The following NAV3 variants were observed in gnomAD, a reference collection of about 807,000 sequenced individuals.
The protein encoded by NAV3 is neuron navigator 3.
A neutral mutation model predicts 244.7 loss-of-function variants in NAV3; 87 were observed. The ratio of observed to expected loss-of-function variants is 0.36; its 90% CI spans 0.30 to 0.42. The LOEUF is 0.42. Among genes scored for constraint, NAV3 ranks in the 20% least tolerant of loss-of-function variants. The pLI, the probability that NAV3 is intolerant of heterozygous loss-of-function variation, is 1.00. For synonymous variants in NAV3, 1,126 were observed against 1,042.2 expected, an observed-to-expected ratio of 1.08 and a Z score of -1.55; for missense variants, 2,663 against 2,893.3, an observed-to-expected ratio of 0.92 and a Z score of 1.83.
chr12:77,601,510 G>A (rs889240484), intron 2 of NAV3, among the ~76,000 whole-genome samples: 2 of 151,928 alleles, frequency 1.3e-5, no homozygotes, highest in African/African-American at 2.4e-5. Flanking sequence ...GTGAGCAAAG[G>A]CATCATATCA....
intron 1 of NAV3, among the ~76,000 whole-genome samples, chr12:77,852,911 G>A (rs555525710): frequency 7.9e-5 from 12 of 152,154 alleles, no homozygotes; most frequent in African/African-American, 2.7e-4. Context: ...TATAGCTTGG[G>A]GATTTATGAA....
In NAV3 at chr12:77,671,410, T is replaced by A. The variant is rs185407525; in HGVS notation, c.72+99144T>A. Among the ~76,000 whole-genome samples the A allele has an allele frequency of 2.0e-3, 305 of 151,916 alleles. 2 individuals are homozygous for A. Among genetic ancestry groups the A allele is most frequent in the African/African-American group, 7.0e-3 (292 of 41,454 alleles). Reference sequence around the variant, plus strand: ...CATTCTTTAAGAAACTAGAAAAAAATGATCCTAAAATTCATATGGAACCTA... The same window carrying A: ...CATTCTTTAAGAAACTAGAAAAAAAAGATCCTAAAATTCATATGGAACCTA... On this transcript the variant is annotated intron_variant, in intron 2 of 8. Coordinates refer to the NAV3 transcript ENST00000550042.
intron 2 of NAV3, among the ~76,000 whole-genome samples, chr12:77,601,173 A>G (rs943850838): frequency 6.6e-6 from 1 of 151,972 alleles, no homozygotes; most frequent in South Asian, 2.1e-4. Flanking sequence ...GGATGTAGGG[A>G]TAATTATTAT....
chr12:77,844,087 A>G (rs761812967), intron 1 of NAV3, among the ~76,000 whole-genome samples: 4 of 152,192 alleles, frequency 2.6e-5, no homozygotes, highest in Non-Finnish European at 5.9e-5. Context: ...TTGTGCTGCT[A>G]TGACAAAATA....
At chr12:77,779,815 G>C (rs1040481143) in intron 2 of NAV3, among the ~76,000 whole-genome samples, 12 of 152,224 alleles carry the variant, frequency 7.9e-5, no homozygotes, top group African/African-American at 2.9e-4. Context: ...GGCCTGGGTT[G>C]TCAGTGGTTT....
chr12:77,574,591 G>T (rs1403252801), intron 2 of NAV3, among the ~76,000 whole-genome samples: 1 of 152,028 alleles, frequency 6.6e-6, no homozygotes, highest in Non-Finnish European at 1.5e-5. Flanking sequence ...TTCATTGAGA[G>T]GTGAAGCATT....
Position 78,198,593 on chromosome 12 carries a change from A to T in NAV3, c.6447-12A>T. 6.6e-7 allele frequency: 1 copy of T among 1,525,358 alleles called. No homozygotes were observed. The highest frequency in any genetic ancestry group is 1.4e-5 in the African/African-American group (1 of 71,606). The allele number at this position is 1,525,358 out of a possible 1,614,324, so 94.5% of individuals were successfully genotyped here. On this transcript the variant is annotated splice_polypyrimidine_tract_variant and intron_variant, in intron 35 of 39. Transcript: ENST00000397909. ...TCCAGTAAATTAAAATTTTCTATTT[A>T]TTTTTTTCTAGTCCATATATTATTG... is the stretch of plus-strand genomic sequence containing the variant.
intron 6 of NAV3, 46 bp downstream of exon 6, chr12:77,994,917 T>C: frequency 7.6e-7 from 1 of 1,316,426 alleles, no homozygotes; most frequent in South Asian, 1.3e-5. Context: ...GATATGCAAA[T>C]AAATACCCAG....
intron 2 of NAV3, among the ~76,000 whole-genome samples, chr12:77,814,373 G>A (rs764715707): frequency 1.3e-4 from 20 of 152,186 alleles, no homozygotes; most frequent in Non-Finnish European, 2.4e-4. Context: ...CTTTTCTGCC[G>A]TGGTTTGACA....
intron 1 of NAV3, among the ~76,000 whole-genome samples, chr12:77,914,769 A>G (rs1441624786): frequency 6.6e-6 from 1 of 151,942 alleles, no homozygotes; most frequent in African/African-American, 2.4e-5. Context: ...TTCAGTAAAC[A>G]GATATCTTAA....
chr12:77,678,081 A>G (rs1487847136), intron 2 of NAV3, among the ~76,000 whole-genome samples: 1 of 152,166 alleles, frequency 6.6e-6, no homozygotes, highest in Non-Finnish European at 1.5e-5. Context: ...TTGACAATTT[A>G]GCTTCTATTT....
chr12:78,002,505 A>G (rs551140585), intron 7 of NAV3, among the ~76,000 whole-genome samples: 7 of 152,310 alleles, frequency 4.6e-5, no homozygotes, highest in Admixed American at 4.6e-4. Context: ...AACATTATAC[A>G]GGTATCAGAG....
chr12:77,968,239 C>A (rs778679471), intron 4 of NAV3, among the ~76,000 whole-genome samples: 2 of 152,172 alleles, frequency 1.3e-5, no homozygotes, highest in African/African-American at 2.4e-5. Context: ...GCAGCTAACT[C>A]GAGAAAAATT....
intron 1 of NAV3, among the ~76,000 whole-genome samples, chr12:77,873,345 A>G (rs529064367): frequency 1.9e-4 from 29 of 152,208 alleles, no homozygotes; most frequent in African/African-American, 6.0e-4. Context: ...AAGATAAACA[A>G]TTGATACAGA....
chr12:77,976,800 T>C (rs1868523424), intron 5 of NAV3, among the ~76,000 whole-genome samples: 1 of 148,192 alleles, frequency 6.7e-6, no homozygotes, highest in East Asian at 2.1e-4. Flanking sequence ...TGCCTCAGCC[T>C]CCCGAGTAGC....
At chr12:77,615,432 A>G (rs1871109562) in intron 2 of NAV3, among the ~76,000 whole-genome samples, 1 of 152,070 alleles carries the variant, frequency 6.6e-6, no homozygotes, top group Non-Finnish European at 1.5e-5. Context: ...CTGTGTTTTC[A>G]GCATTTAGCT....
chr12:78,026,093 C>G (rs1206327680), intron 9 of NAV3, among the ~76,000 whole-genome samples: 1 of 152,024 alleles, frequency 6.6e-6, no homozygotes, highest in Admixed American at 6.5e-5. Flanking sequence ...TTGATGATTT[C>G]TTATGATTTA....
chr12:77,689,639 G>T (rs985238457), intron 2 of NAV3, among the ~76,000 whole-genome samples: 1 of 151,846 alleles, frequency 6.6e-6, no homozygotes, highest in Non-Finnish European at 1.5e-5. Context: ...CTATTCTAGT[G>T]TTCAGATGTA....
At chr12:78,153,168 T>A (rs944314449) in intron 22 of NAV3, among the ~76,000 whole-genome samples, 4 of 152,068 alleles carry the variant, frequency 2.6e-5, no homozygotes, top group African/African-American at 9.7e-5. Context: ...ATTTTTAAAT[T>A]TGAAATGCAT....
Sources: allele counts gnomAD v4.1 joint callset (sites outside exome capture counted in the v4.1 genomes callset), GRCh38; gene constraint gnomAD v4.1.1; transcripts MANE v1.5; gene names NCBI Gene and HGNC (gene_info 2026-07-23, HGNC 2026-07-21).